COL15A1: variants seen among roughly 807,000 people sequenced by gnomAD.
COL15A1 encodes collagen type XV alpha 1 chain.
COL15A1 carries 111 observed loss-of-function variants against 165.9 expected under a neutral mutation model. The ratio of observed to expected loss-of-function variants is 0.67; its 90% CI spans 0.57 to 0.78. COL15A1 has a LOEUF of 0.78. Ranked by LOEUF, COL15A1 falls within the 30% of genes least tolerant of loss-of-function variation. COL15A1 has a pLI of 0.00. For synonymous variants in COL15A1, 659 were observed against 674.8 expected (o/e 0.98, Z 0.36); for missense variants, 1,745 against 1,789.7 (o/e 0.98, Z 0.45).
chr9:98,996,912 A>G (rs1429304898), intron 5 of COL15A1, 22 bp from the exon 6 acceptor site: 3 of 1,609,290 alleles, frequency 1.9e-6, no homozygotes, highest in Admixed American at 1.7e-5. Context: ...ATCATTTTGC[A>G]TCTCATTTTT....
chr9:98,970,866 G>A (rs1208808533), intron 2 of COL15A1, among the ~76,000 whole-genome samples: 2 of 152,120 alleles, frequency 1.3e-5, no homozygotes, highest in South Asian at 2.1e-4. Flanking sequence ...GTATATAAAC[G>A]TGTGTGTATT....
chr9:98,944,475 T>G (rs1837543371), intron 2 of COL15A1, among the ~76,000 whole-genome samples: 1 of 152,176 alleles, frequency 6.6e-6, no homozygotes, highest in Admixed American at 6.5e-5. Context: ...GAGCGTTGTC[T>G]GGGCACCCGA....
At chr9:98,967,037 C>G (rs1837969664) in intron 2 of COL15A1, among the ~76,000 whole-genome samples, 1 of 152,164 alleles carries the variant, frequency 6.6e-6, no homozygotes, top group African/African-American at 2.4e-5. Flanking sequence ...TCATCAAATG[C>G]TCAATTTATG....
chr9:99,047,720 C>A (rs1173436598), intron 26 of COL15A1, 66 bp from the exon 27 acceptor site: 1 of 1,542,574 alleles, frequency 6.5e-7, no homozygotes, highest in East Asian at 2.2e-5. Context: ...AGCGGGCTTG[C>A]ACTCCTCATT....
chr9:98,973,851 G>C (rs1467396144), intron 2 of COL15A1, among the ~76,000 whole-genome samples: 1 of 152,234 alleles, frequency 6.6e-6, no homozygotes, highest in Admixed American at 6.5e-5. Context: ...ACACTGGCGG[G>C]AGACAAGGAG....
chr9:99,063,504 C>T (rs1281160943), intron 39 of COL15A1, among the ~76,000 whole-genome samples: 2 of 152,124 alleles, frequency 1.3e-5, no homozygotes, highest in African/African-American at 4.8e-5. Flanking sequence ...AAAAGGGAGA[C>T]ATTTAGTCTG....
At chr9:98,960,732 A>G (rs1837852347) in intron 2 of COL15A1, among the ~76,000 whole-genome samples, 1 of 152,100 alleles carries the variant, frequency 6.6e-6, no homozygotes. Context: ...AAACGAAATA[A>G]CGCCCCAAGC....
chr9:98,975,735 T>A (rs567939397), intron 2 of COL15A1, among the ~76,000 whole-genome samples: 1 of 152,226 alleles, frequency 6.6e-6, no homozygotes, highest in African/African-American at 2.4e-5. Flanking sequence ...TGAACTAGAT[T>A]TGAGGGAGGG....
At chr9:99,012,229 T>C (rs1488107924) in intron 9 of COL15A1, among the ~76,000 whole-genome samples, 1 of 152,232 alleles carries the variant, frequency 6.6e-6, no homozygotes, top group Non-Finnish European at 1.5e-5. Flanking sequence ...GGTTTATCAT[T>C]TAATTTATGA....
At chr9:99,063,218 T>A (rs1825844174) in intron 39 of COL15A1, 109 bp downstream of exon 39, 1 of 1,273,304 alleles carries the variant, frequency 7.9e-7, no homozygotes, top group Non-Finnish European at 1.0e-6. Flanking sequence ...TATAGACTAG[T>A]GAGAGAGGCA....
In COL15A1 at chr9:99,052,901, C is replaced by T. The variant is rs932142587; in HGVS notation, c.2950+468C>T. 2.0e-4 allele frequency among the ~76,000 whole-genome samples: 30 copies of T among 152,174 alleles called. No homozygotes were observed. The East Asian group carries it at 5.8e-3, about 29-fold the overall frequency. ...GCTCAGGAGACCCTTGCCTCGGTGT[C>T]CATGCAACTTTGTAAGCATCTCCTG... On this transcript the variant is annotated intron_variant, in intron 31 of 41. Coordinates refer to ENST00000375001, the MANE Select transcript of COL15A1 (RefSeq NM_001855.5).
intron 11 of COL15A1, among the ~76,000 whole-genome samples, chr9:99,017,890 A>G (rs1838964322): frequency 6.6e-6 from 1 of 152,246 alleles, no homozygotes; most frequent in South Asian, 2.1e-4. Flanking sequence ...GAATAGTATA[A>G]TTAACCCCCA....
At chr9:98,989,085 C>G in intron 4 of COL15A1, 93 bp from the exon 5 acceptor site, 3 of 832,730 alleles carry the variant, frequency 3.6e-6, no homozygotes, top group Non-Finnish European at 6.1e-6. Flanking sequence ...GTAGGAGAGT[C>G]GGTTTGTCAG....
chr9:98,959,246 A>AG (rs1023623667), intron 2 of COL15A1, among the ~76,000 whole-genome samples: 9 of 148,960 alleles, frequency 6.0e-5, no homozygotes, highest in African/African-American at 2.2e-4. Context: ...AAAAAAAAAA[A>AG]ACTAAAAACT....
At chr9:98,998,169 A>C (rs1336197433) in intron 6 of COL15A1, among the ~76,000 whole-genome samples, 1 of 152,232 alleles carries the variant, frequency 6.6e-6, no homozygotes, top group East Asian at 1.9e-4. Context: ...TATTAGACGT[A>C]ATATTCATCA....
rs370676518 is a variant in COL15A1, at chr9:99,050,490, T to C, written c.2904+595T>C. 2.6e-5 allele frequency among the ~76,000 whole-genome samples: 4 copies of C among 152,248 alleles called. No homozygotes were observed. The South Asian group carries it at 6.2e-4, about 24-fold the overall frequency. Reference sequence around the variant, plus strand: ...GTGCAGACACTGGGATGCTGAGGGGTCAGGCACTTGCCCGGCCCCCCAGCC... The same window carrying C: ...GTGCAGACACTGGGATGCTGAGGGGCCAGGCACTTGCCCGGCCCCCCAGCC... On this transcript the variant is annotated intron_variant, in intron 30 of 41. Transcript: ENST00000375001.
At position 99,054,556 on chromosome 9, in the gene COL15A1, A is replaced by C; in HGVS notation, c.2951-20A>C. The stretch of plus-strand genomic sequence containing the variant: ...AGGTGATTTTCCATTTTTTTTTAAC[A>C]TGTATGTGTTTGGTGGCAGGTGTTA... On this transcript the variant is annotated intron_variant, in intron 31 of 41. Transcript: ENST00000375001. 3 of 1,588,496 alleles carry C rather than the reference A, an allele frequency of 1.9e-6. No homozygotes were observed. The highest frequency in any genetic ancestry group is 2.6e-6 in the Non-Finnish European group (3 of 1,171,990).
Position 98,952,061 on chromosome 9 carries a change from G to A in COL15A1, c.100+7811G>A, listed in dbSNP as rs113415154. 2.0e-3 allele frequency among the ~76,000 whole-genome samples: 298 copies of A among 152,320 alleles called. 1 individual carries two copies. Among genetic ancestry groups the A allele is most frequent in the African/African-American group, 7.0e-3 (289 of 41,572 alleles). On this transcript the variant is annotated intron_variant, in intron 2 of 41. Transcript: ENST00000375001. ...CTACATAGGAAGTTCTATGAGGCAG[G>A]GATGGGCCTGTCCAACTCTGAATCC...
intron 32 of COL15A1, 58 bp downstream of exon 32, chr9:99,054,714 C>T (rs564754322): frequency 1.5e-5 from 23 of 1,546,994 alleles, no homozygotes; most frequent in Admixed American, 1.0e-4. Flanking sequence ...AGAACAAATG[C>T]GACTGAGAAA....
Sources: allele counts gnomAD v4.1 joint callset (sites outside exome capture counted in the v4.1 genomes callset), GRCh38; gene constraint gnomAD v4.1.1; transcripts MANE v1.5; gene names NCBI Gene and HGNC (gene_info 2026-07-23, HGNC 2026-07-21).